The following MYSM1 variants were observed in gnomAD, a reference collection of about 807,000 sequenced individuals.
MYSM1 encodes the protein Myb like, SWIRM and MPN domains 1, also known as deubiquitinase MYSM1.
A neutral mutation model predicts 116.0 loss-of-function variants in MYSM1; 51 were observed. The observed-to-expected ratio is 0.44, with a 90% confidence interval of 0.35 to 0.56. The LOEUF (loss-of-function observed/expected upper bound fraction) is 0.56. Ranked by LOEUF, MYSM1 falls within the 20% of genes least tolerant of loss-of-function variation. The pLI, the probability that MYSM1 is intolerant of heterozygous loss-of-function variation, is 0.00. For missense variants in MYSM1, 900 were observed against 974.9 expected (o/e 0.92, Z 1.02); for synonymous variants, 313 against 315.2 (o/e 0.99, Z 0.07).
At position 58,675,587 on chromosome 1, in the gene MYSM1, G is replaced by C. The variant is rs1196856531; in HGVS notation, c.1391-7C>G. The C allele has an allele frequency of 6.2e-7, 1 of 1,605,094 alleles. No homozygotes were observed. Among genetic ancestry groups the C allele is most frequent in the Non-Finnish European group, 8.5e-7 (1 of 1,173,052 alleles). ...CTATTATACACAGCCTGTTCTATTG[G>C]AATTCAGGAAAGATAAAACCATCTA... On this transcript the variant is annotated splice_polypyrimidine_tract_variant and splice_region_variant and intron_variant, in intron 9 of 19. Coordinates refer to ENST00000472487, the MANE Select transcript of MYSM1 (RefSeq NM_001085487.3).
Position 58,697,392 on chromosome 1 carries a change from C to T in MYSM1, c.69-2185G>A, listed in dbSNP as rs144345645. On this transcript the variant is annotated intron_variant, in intron 1 of 19. Coordinates refer to ENST00000472487, the MANE Select transcript of MYSM1 (RefSeq NM_001085487.3). Reference sequence around the variant, plus strand: ...TGGTAACAGATTCGGGAAACATCAGCTGGCAGGTCAAAAATGGTTTAACAC... The same window carrying T: ...TGGTAACAGATTCGGGAAACATCAGTTGGCAGGTCAAAAATGGTTTAACAC... Among the ~76,000 whole-genome samples, 934 of 152,182 alleles carry T rather than the reference C, an allele frequency of 6.1e-3. 3 individuals carry two copies. Among genetic ancestry groups the T allele is most frequent in the East Asian group, 0.019 (99 of 5,172 alleles).
Position 58,658,034 on chromosome 1 carries a change from G to A in MYSM1, c.*1963C>T, listed in dbSNP as rs1644341092. The A allele has an allele frequency of 6.6e-6, 1 of 152,184 alleles. No individual in the cohort carries two copies. Among genetic ancestry groups the A allele is most frequent in the African/African-American group, 2.4e-5 (1 of 41,454 alleles). 9.4% of individuals were successfully genotyped at this position (152,184 alleles called of 1,614,324 possible). A position where few individuals can be genotyped will look rare whatever the true frequency, so the allele number is the denominator to read the frequency against. On this transcript the variant is annotated 3_prime_UTR_variant, in exon 20 of 20. Coordinates refer to ENST00000472487, the MANE Select transcript of MYSM1 (RefSeq NM_001085487.3). ...TCATGAGGAAACAGGTCAAAAGGAA[G>A]ATGAGTACAAAGGAATCAATCACTG...
chr1:58,662,650 G>A (rs370227089), intron 17 of MYSM1, among the ~76,000 whole-genome samples: 7 of 148,594 alleles, frequency 4.7e-5, no homozygotes, highest in Non-Finnish European at 8.9e-5. Flanking sequence ...CAGCAAATCA[G>A]AAGGCATGGA....
chr1:58,670,790 C>A (rs916547831), intron 12 of MYSM1, among the ~76,000 whole-genome samples: 2 of 152,056 alleles, frequency 1.3e-5, no homozygotes, highest in Non-Finnish European at 2.9e-5. Flanking sequence ...TGAGTAATGG[C>A]AGGAAAGGCA....
chr1:58,662,327 AT>A (rs912293190), intron 17 of MYSM1, among the ~76,000 whole-genome samples: 2 of 152,100 alleles, frequency 1.3e-5, no homozygotes, highest in Admixed American at 6.6e-5. Context: ...CATCTATAGC[AT>A]TTTTTTAAAA....
intron 10 of MYSM1, 99 bp from the exon 11 acceptor site, chr1:58,673,749 CAATT>C (rs1459729594): frequency 3.1e-6 from 3 of 975,142 alleles, no homozygotes; most frequent in Non-Finnish European, 4.7e-6. Flanking sequence ...ATCTAAAAGT[CAATT>C]AATCTATCAA....
At chr1:58,696,790 A>G (rs1217040613) in intron 1 of MYSM1, among the ~76,000 whole-genome samples, 1 of 152,232 alleles carries the variant, frequency 6.6e-6, no homozygotes, top group African/African-American at 2.4e-5. Flanking sequence ...ACTGTTGTAT[A>G]TCAGTGCATG....
rs1429670727 is a variant in MYSM1 at position 58,689,132 on chromosome 1, G to C, written c.321-16C>G. The C allele has an allele frequency of 6.3e-7, 1 of 1,577,690 alleles. No individual in the cohort carries two copies. Among genetic ancestry groups the C allele is most frequent in the Non-Finnish European group, 8.6e-7 (1 of 1,169,144 alleles). ...AGAGTGTACCCTGAGGGGAAAAAAA[G>C]GAATTGCAAAAAAAATTTCTGAAAT... On this transcript the variant is annotated splice_polypyrimidine_tract_variant and intron_variant, in intron 5 of 19. Transcript: ENST00000472487.
At chr1:58,665,917 T>G (rs1330301393) in intron 16 of MYSM1, among the ~76,000 whole-genome samples, 1 of 151,776 alleles carries the variant, frequency 6.6e-6, no homozygotes, top group Non-Finnish European at 1.5e-5. Flanking sequence ...ATTAGCCAGG[T>G]GTAGTGGCAC....
At chr1:58,674,851 C>T (rs913070076) in intron 10 of MYSM1, among the ~76,000 whole-genome samples, 9 of 149,354 alleles carry the variant, frequency 6.0e-5, no homozygotes, top group South Asian at 2.1e-4. Context: ...GGTGTGAACC[C>T]GGGAGATGGA....
Position 58,655,798 on chromosome 1 carries a change from C to T in MYSM1, c.*4199G>A, listed in dbSNP as rs1644312416. On this transcript the variant is annotated 3_prime_UTR_variant, in exon 20 of 20. Transcript: ENST00000472487. ...TCAAATTTGTTAAATTATTTATTTACCCTGATGAAGCAGATGATTATAAAA... is the reference window on the plus strand; with the variant it reads ...TCAAATTTGTTAAATTATTTATTTATCCTGATGAAGCAGATGATTATAAAA... 1 of 151,996 alleles carries T rather than the reference C, an allele frequency of 6.6e-6. No individual in the cohort carries two copies. The highest frequency in any genetic ancestry group is 2.1e-4 in the South Asian group (1 of 4,830). 9.4% of individuals were successfully genotyped at this position (151,996 alleles called of 1,614,324 possible).
chr1:58,700,016 C>T lies in MYSM1; in HGVS notation c.37G>A (p.Asp13Asn). ...AEEADVDIEG[D>N]VVAAAGAQPG... ...TGTGCCCCCGCCGCCGCTACCACGT[C>T]CCCTTCGATATCCACATCCGCCTCT... The change falls in exon 1 of 20, where the codon GAC becomes AAC. Residue 13 changes from aspartate (D) to asparagine (N), a missense_variant. By Grantham distance (23) the Asp-to-Asn change is conservative. Around this residue, in one of 3 missense-constraint regions of MYSM1, gnomAD observed 622 missense variants for 623.7 expected, o/e 1.00. Transcript: ENST00000472487. The T allele has an allele frequency of 6.2e-7, 1 of 1,613,750 alleles. No individual in the cohort carries two copies. The highest frequency in any genetic ancestry group is 8.5e-7 in the Non-Finnish European group (1 of 1,180,018).
intron 1 of MYSM1, 120 bp from the exon 2 acceptor site, chr1:58,695,327 C>A: frequency 3.5e-6 from 2 of 571,786 alleles, no homozygotes; most frequent in Non-Finnish European, 6.3e-6. Context: ...GTTCCCTTCT[C>A]CCCTTAACAA....
In MYSM1 at chr1:58,682,501, GC is replaced by G; in HGVS notation, c.542del (p.Gly181AlafsTer21). 1.2e-6 allele frequency: 2 copies of G among 1,613,020 alleles called. No homozygotes were observed. The highest frequency in any genetic ancestry group is 1.7e-6 in the Non-Finnish European group (2 of 1,179,596). On this transcript the variant is annotated frameshift_variant, in exon 8 of 20. Transcript: ENST00000472487. LOFTEE classifies it high-confidence loss of function. ...LDKETPNQKT[G>X]HNLQVKNEDK... ...CTTCATTTTTAACTTGAAGATTATGGCCGGTCTTCTGATTTGGTGTTTCTTT... is the reference window on the plus strand; with the variant it reads ...CTTCATTTTTAACTTGAAGATTATGGCGGTCTTCTGATTTGGTGTTTCTTT...
At chr1:58,674,339 A>G (rs1644611111) in intron 10 of MYSM1, among the ~76,000 whole-genome samples, 1 of 152,196 alleles carries the variant, frequency 6.6e-6, no homozygotes, top group East Asian at 1.9e-4. Flanking sequence ...AAATAATGAG[A>G]AATTACAAAG....
Position 58,658,734 on chromosome 1 carries a change from T to C in MYSM1, c.*1263A>G, listed in dbSNP as rs1427348714. The C allele has an allele frequency of 6.6e-6, 1 of 152,132 alleles. No individual in the cohort carries two copies. The highest frequency in any genetic ancestry group is 1.5e-5 in the Non-Finnish European group (1 of 68,024). The allele number at this position is 152,132 out of a possible 1,614,324, so 9.4% of individuals were successfully genotyped here. A position where few individuals can be genotyped will look rare whatever the true frequency, so the allele number is the denominator to read the frequency against. On this transcript the variant is annotated 3_prime_UTR_variant, in exon 20 of 20. Coordinates refer to ENST00000472487, the MANE Select transcript of MYSM1 (RefSeq NM_001085487.3). Reference sequence around the variant, plus strand: ...CTAAAATCTACTGAATTTCAATAAATGAGGCAGCATTGACTGCTTATTTTA... The same window carrying C: ...CTAAAATCTACTGAATTTCAATAAACGAGGCAGCATTGACTGCTTATTTTA...
In MYSM1 at chr1:58,682,539, A is replaced by C. The variant is rs965066547; in HGVS notation, c.505T>G (p.Cys169Gly). 1 of 1,567,574 alleles carries C rather than the reference A, an allele frequency of 6.4e-7. No homozygotes were observed. The highest frequency in any genetic ancestry group is 8.6e-7 in the Non-Finnish European group (1 of 1,161,338). The change falls in exon 8 of 20, where the codon TGC (cysteine) becomes GGC (glycine). Residue 169 changes from cysteine (C) to glycine (G), a missense_variant. By Grantham distance (159) the Cys-to-Gly change is radical (BLOSUM62 -3). Transcript: ENST00000472487. ...ARQYFKNKVK[C>G]GLDKETPNQK... ...TTTGGTGTTTCTTTATCCAGACCGC[A>C]TTTGACCTTATTAAAAATCAAAATA... is the stretch of plus-strand genomic sequence containing the variant.
At chr1:58,670,759 T>C (rs506078) in intron 12 of MYSM1, among the ~76,000 whole-genome samples, 94,716 of 151,422 alleles carry the variant, frequency 0.63, 29,784 homozygotes, top group African/African-American at 0.69. Context: ...TTACATTTAT[T>C]CAATTAAACA....
At chr1:58,689,181 T>A in intron 5 of MYSM1, 65 bp from the exon 6 acceptor site, 1 of 1,235,310 alleles carries the variant, frequency 8.1e-7, no homozygotes, top group Non-Finnish European at 1.2e-6. Context: ...TTTATGTAAC[T>A]AAAGGTTATA....
Sources: gnomAD v4.1 joint callset for allele counts (sites outside exome capture counted in the v4.1 genomes callset) on GRCh38, gnomAD v4.1.1 for gene constraint, gnomAD v4.1.1 regional missense constraint, MANE v1.5 for transcripts, NCBI Gene and HGNC (gene_info 2026-07-23, HGNC 2026-07-21) for gene names.